The following OR5D18 variants were observed in gnomAD, a reference collection of about 807,000 sequenced individuals.
OR5D18 encodes the protein olfactory receptor family 5 subfamily D member 18, also known as olfactory receptor 5D18.
For missense variants in OR5D18, 394 were observed against 367.3 expected, an observed-to-expected ratio of 1.07 and a Z score of -0.59; for synonymous variants, 158 against 152.5, an observed-to-expected ratio of 1.04 and a Z score of -0.27.
In OR5D18 at chr11:55,820,482, A is replaced by G. The variant is rs1332660505; in HGVS notation, c.853A>G (p.Met285Val). The G allele has an allele frequency of 6.2e-7, 1 of 1,613,852 alleles. No homozygotes were observed. The highest frequency in any genetic ancestry group is 2.2e-5 in the East Asian group (1 of 44,864). Residue 285 changes from methionine (M) to valine (V), a missense_variant, in exon 1 of 1, where the codon ATG becomes GTG. Coordinates refer to ENST00000333976, the MANE Select transcript of OR5D18 (RefSeq NM_001001952.1). ...ASVFYTVVIP[M>V]LNPLIYSLRN... ...TGTGTTTTACACCGTGGTGATCCCC[A>G]TGTTGAATCCCCTGATCTACAGTCT... is the stretch of plus-strand genomic sequence containing the variant.
Position 55,820,532 on chromosome 11 carries a change from A to G in OR5D18, c.903A>G (p.Thr301=). ...YSLRNKDVKD[T]VTEILDTKVF... ...TGAGAAATAAAGATGTCAAGGATAC[A>G]GTCACCGAGATACTGGACACCAAAG... Residue 301 remains threonine (T), a synonymous_variant, in exon 1 of 1, where the codon ACA becomes ACG. Coordinates refer to ENST00000333976, the MANE Select transcript of OR5D18 (RefSeq NM_001001952.1). 6.2e-7 allele frequency: 1 copy of G among 1,611,834 alleles called. No individual in the cohort carries two copies. Among genetic ancestry groups the G allele is most frequent in the East Asian group, 2.2e-5 (1 of 44,876 alleles).
Position 55,820,511 on chromosome 11 carries a change from A to T in OR5D18, c.882A>T (p.Arg294Ser), listed in dbSNP as rs1483671153. The change falls in exon 1 of 1, where the codon AGA becomes AGT. Residue 294 changes from arginine (R) to serine (S), a missense_variant. By Grantham distance (110) the Arg-to-Ser change is moderately radical (BLOSUM62 -1). Transcript: ENST00000333976. ...TGAATCCCCTGATCTACAGTCTGAG[A>T]AATAAAGATGTCAAGGATACAGTCA... The part of the protein sequence containing the change: ...PMLNPLIYSL[R>S]NKDVKDTVTE... 3.1e-6 allele frequency: 5 copies of T among 1,613,584 alleles called. No homozygotes were observed. Among genetic ancestry groups the T allele is most frequent in the Non-Finnish European group, 4.2e-6 (5 of 1,179,990 alleles).
chr11:55,820,336 G>A lies in OR5D18; in HGVS notation c.707G>A (p.Arg236His), dbSNP rs199726652. ...AAGATGCGTTCAGTCAGTGGGCGCCGCAAAGCCTTCTCCACCTGTGCCTCC... is the reference window on the plus strand; with the variant it reads ...AAGATGCGTTCAGTCAGTGGGCGCCACAAAGCCTTCTCCACCTGTGCCTCC... ...ILKMRSVSGR[R>H]KAFSTCASHL... Residue 236 changes from arginine (R) to histidine (H), a missense_variant, in exon 1 of 1, where the codon CGC (arginine) becomes CAC (histidine). By Grantham distance (29) the Arg-to-His change is conservative. Transcript: ENST00000333976. 1.1e-4 allele frequency: 180 copies of A among 1,613,698 alleles called. No individual in the cohort carries two copies. The East Asian group carries it at 2.7e-3, about 24-fold the overall frequency.
At position 55,819,776 on chromosome 11, in the gene OR5D18, C is replaced by A. The variant is rs779733558; in HGVS notation, c.147C>A (p.Ile49=). Residue 49 remains isoleucine (I), a synonymous_variant, in exon 1 of 1, where the codon ATC becomes ATA. Transcript: ENST00000333976. ...TAGGGAATATTGGGTTGATTGTGAT[C>A]ATCAAAATCAACCCCAAACTGCATA... The part of the protein sequence containing the change: ...TVLGNIGLIV[I]IKINPKLHTP... The A allele has an allele frequency of 6.2e-6, 10 of 1,613,254 alleles. No homozygotes were observed. The highest frequency in any genetic ancestry group is 5.9e-6 in the Non-Finnish European group (7 of 1,179,498).
At position 55,820,332 on chromosome 11, in the gene OR5D18, C is replaced by A. The variant is rs149397041; in HGVS notation, c.703C>A (p.Arg235Ser). Residue 235 changes from arginine to serine, a missense_variant, in exon 1 of 1, where the codon CGC becomes AGC. Coordinates refer to ENST00000333976, the MANE Select transcript of OR5D18 (RefSeq NM_001001952.1). ...CCTCAAGATGCGTTCAGTCAGTGGG[C>A]GCCGCAAAGCCTTCTCCACCTGTGC... Reference protein sequence around the residue: ...TILKMRSVSGRRKAFSTCASH... With the variant: ...TILKMRSVSGSRKAFSTCASH... 2 of 1,613,704 alleles carry A rather than the reference C, an allele frequency of 1.2e-6. No individual in the cohort carries two copies. The highest frequency in any genetic ancestry group is 1.7e-6 in the Non-Finnish European group (2 of 1,179,998).
rs752714242 is a variant in OR5D18, at chr11:55,820,160, C to T, written c.531C>T (p.His177=). The change falls in exon 1 of 1, where the codon CAC becomes CAT. Residue 177 remains histidine, a synonymous_variant. Transcript: ENST00000333976. ...LCFHGFNTIN[H]FFCEFSSLLS... ...TTCATGGTTTCAACACAATCAATCA[C>T]TTCTTCTGTGAGTTCTCCTCACTAC... The T allele has an allele frequency of 2.5e-6, 4 of 1,613,978 alleles. No homozygotes were observed. The highest frequency in any genetic ancestry group is 2.2e-5 in the East Asian group (1 of 44,860).
chr11:55,820,264 T>C lies in OR5D18; in HGVS notation c.635T>C (p.Leu212Pro), dbSNP rs1853816921. ...FLATFNEIST[L>P]LIVLTSYAFI... ...GCCACCTTTAATGAAATCAGCACAC[T>C]ACTCATCGTTCTCACATCTTATGCG... is the stretch of plus-strand genomic sequence containing the variant. Residue 212 changes from leucine to proline, a missense_variant, in exon 1 of 1, where the codon CTA becomes CCA. Coordinates refer to ENST00000333976, the MANE Select transcript of OR5D18 (RefSeq NM_001001952.1). 2 of 1,614,030 alleles carry C rather than the reference T, an allele frequency of 1.2e-6. No individual in the cohort carries two copies. The highest frequency in any genetic ancestry group is 1.7e-6 in the Non-Finnish European group (2 of 1,180,032).
At position 55,819,987 on chromosome 11, in the gene OR5D18, G is replaced by A. The variant is rs1302334260; in HGVS notation, c.358G>A (p.Ala120Thr). 6.2e-7 allele frequency: 1 copy of A among 1,613,692 alleles called. No individual in the cohort carries two copies. ...TGAATCCTTTTTATTAGCTGTGATGGCCTATGACCGCTTCGTGGCCATTTG... is the reference window on the plus strand; with the variant it reads ...TGAATCCTTTTTATTAGCTGTGATGACCTATGACCGCTTCGTGGCCATTTG... Reference protein sequence around the residue: ...VTESFLLAVMAYDRFVAICNP... With the variant: ...VTESFLLAVMTYDRFVAICNP... The change falls in exon 1 of 1, where the codon GCC (alanine) becomes ACC (threonine). Residue 120 changes from alanine to threonine, a missense_variant. Transcript: ENST00000333976.
At position 55,819,736 on chromosome 11, in the gene OR5D18, A is replaced by T; in HGVS notation, c.107A>T (p.Tyr36Phe). Residue 36 changes from tyrosine (Y) to phenylalanine (F), a missense_variant, in exon 1 of 1, where the codon TAC becomes TTC. Transcript: ENST00000333976. ...CTCTTCCTGGTTTTTCTGGCCATCT[A>T]CAATGTCACTGTGCTAGGGAATATT... ...VPLFLVFLAIYNVTVLGNIGL... is the reference protein window; with the variant it reads ...VPLFLVFLAIFNVTVLGNIGL... The T allele has an allele frequency of 2.5e-6, 4 of 1,613,714 alleles. No homozygotes were observed. The highest frequency in any genetic ancestry group is 3.4e-6 in the Non-Finnish European group (4 of 1,179,798).
chr11:55,820,314 A>T lies in OR5D18; in HGVS notation c.685A>T (p.Met229Leu), dbSNP rs776144874. ...YAFIVVTILK[M>L]RSVSGRRKAF... ...GTTCATTGTTGTAACCATCCTCAAG[A>T]TGCGTTCAGTCAGTGGGCGCCGCAA... The change falls in exon 1 of 1, where the codon ATG becomes TTG. Residue 229 changes from methionine to leucine, a missense_variant. Coordinates refer to ENST00000333976, the MANE Select transcript of OR5D18 (RefSeq NM_001001952.1). 2 of 1,613,874 alleles carry T rather than the reference A, an allele frequency of 1.2e-6. 1 individual carries two copies. The highest frequency in any genetic ancestry group is 2.2e-5 in the South Asian group (2 of 91,068).
In OR5D18 at chr11:55,820,387, A is replaced by T; in HGVS notation, c.758A>T (p.His253Leu). 6.2e-7 allele frequency: 1 copy of T among 1,613,948 alleles called. No homozygotes were observed. Among genetic ancestry groups the T allele is most frequent in the Non-Finnish European group, 8.5e-7 (1 of 1,180,014 alleles). ...ASHLTAITIF[H>L]GTILFLYCVP... is the part of the protein sequence containing the mutation. ...CACCTGACTGCCATCACCATCTTCC[A>T]TGGCACCATCCTCTTCCTTTACTGT... Residue 253 changes from histidine (H) to leucine (L), a missense_variant, in exon 1 of 1, where the codon CAT becomes CTT. Coordinates refer to ENST00000333976, the MANE Select transcript of OR5D18 (RefSeq NM_001001952.1).
Position 55,819,923 on chromosome 11 carries a change from C to A in OR5D18, c.294C>A (p.Cys98Ter), listed in dbSNP as rs147156620. The A allele has an allele frequency of 1.9e-6, 3 of 1,613,938 alleles. No individual in the cohort carries two copies. Among genetic ancestry groups the A allele is most frequent in the Non-Finnish European group, 2.5e-6 (3 of 1,179,982 alleles). The stretch of plus-strand genomic sequence containing the variant: ...ACAGAACCATTTCATTTTTAGGATG[C>A]GTAGTACAATTCTTTTTCTTCTGTA... ...VKDRTISFLGCVVQFFFFCTF... is the reference protein window; with the variant it reads ...VKDRTISFLG Residue 98 changes from cysteine (C) to a stop codon, truncating the protein, a stop_gained, in exon 1 of 1, where the codon TGC becomes TGA. Transcript: ENST00000333976. LOFTEE classifies it low-confidence loss of function (END_TRUNC).
In OR5D18 at chr11:55,819,753, G is replaced by A. The variant is rs757204525; in HGVS notation, c.124G>A (p.Gly42Arg). The stretch of plus-strand genomic sequence containing the variant: ...GGCCATCTACAATGTCACTGTGCTA[G>A]GGAATATTGGGTTGATTGTGATCAT... Reference protein sequence around the residue: ...FLAIYNVTVLGNIGLIVIIKI... With the variant: ...FLAIYNVTVLRNIGLIVIIKI... The change falls in exon 1 of 1, where the codon GGG becomes AGG. Residue 42 changes from glycine (G) to arginine (R), a missense_variant. Physicochemically the swap from Gly to Arg is moderately radical, Grantham distance 125. Coordinates refer to ENST00000333976, the MANE Select transcript of OR5D18 (RefSeq NM_001001952.1). 4 of 1,613,778 alleles carry A rather than the reference G, an allele frequency of 2.5e-6. No homozygotes were observed. The highest frequency in any genetic ancestry group is 1.1e-5 in the South Asian group (1 of 91,076).
At position 55,820,206 on chromosome 11, in the gene OR5D18, A is replaced by G. The variant is rs1457705737; in HGVS notation, c.577A>G (p.Thr193Ala). ...ACTACTCTCCCTTTCTTGCTCTGAT[A>G]CTTACATCAACCAGTGGCTGCTATT... ...SSLLSLSCSD[T>A]YINQWLLFFL... Residue 193 changes from threonine to alanine, a missense_variant, in exon 1 of 1, where the codon ACT (threonine) becomes GCT (alanine). Physicochemically the swap from Thr to Ala is moderately conservative, Grantham distance 58. Coordinates refer to ENST00000333976, the MANE Select transcript of OR5D18 (RefSeq NM_001001952.1). 1 of 1,613,910 alleles carries G rather than the reference A, an allele frequency of 6.2e-7. No individual in the cohort carries two copies. Among genetic ancestry groups the G allele is most frequent in the Non-Finnish European group, 8.5e-7 (1 of 1,179,970 alleles).
chr11:55,819,812 C>A lies in OR5D18; in HGVS notation c.183C>A (p.Tyr61Ter), dbSNP rs760930752. The A allele has an allele frequency of 1.2e-6, 2 of 1,613,936 alleles. No individual in the cohort carries two copies. Among genetic ancestry groups the A allele is most frequent in the Non-Finnish European group, 8.5e-7 (1 of 1,179,956 alleles). Residue 61 changes from tyrosine (Y) to a stop codon, truncating the protein, a stop_gained, in exon 1 of 1, where the codon TAC (tyrosine) becomes TAA (stop). Coordinates refer to ENST00000333976, the MANE Select transcript of OR5D18 (RefSeq NM_001001952.1). LOFTEE classifies it low-confidence loss of function (END_TRUNC). The stretch of plus-strand genomic sequence containing the variant: ...ACCCCAAACTGCATACCCCCATGTA[C>A]TTTTTCCTCAGCCAACTCTCCTTTG... Reference protein sequence around the residue: ...KINPKLHTPMYFFLSQLSFVD... With the variant: ...KINPKLHTPM
In OR5D18 at chr11:55,819,850, A is replaced by G. The variant is rs757894094; in HGVS notation, c.221A>G (p.Tyr74Cys). ...CAACTCTCCTTTGTGGATTTCTGCTATTCCTCCATCATTGCTCCCAAGATG... is the reference window on the plus strand; with the variant it reads ...CAACTCTCCTTTGTGGATTTCTGCTGTTCCTCCATCATTGCTCCCAAGATG... ...LSQLSFVDFC[Y>C]SSIIAPKMLV... is the part of the protein sequence containing the mutation. Residue 74 changes from tyrosine to cysteine, a missense_variant, in exon 1 of 1, where the codon TAT (tyrosine) becomes TGT (cysteine). Coordinates refer to ENST00000333976, the MANE Select transcript of OR5D18 (RefSeq NM_001001952.1). The G allele has an allele frequency of 4.3e-6, 7 of 1,613,956 alleles. No individual in the cohort carries two copies. In the Admixed American group the frequency reaches 6.7e-5, roughly 15 times the overall value.
Position 55,820,131 on chromosome 11 carries a change from T to C in OR5D18, c.502T>C (p.Cys168Arg), listed in dbSNP as rs144565360. 25 of 1,613,904 alleles carry C rather than the reference T, an allele frequency of 1.5e-5. No homozygotes were observed. In the East Asian group the frequency reaches 2.0e-4, roughly 13 times the overall value. ...ACTGACGTGCTCTGCTTTAAAGTTATGTTTTCATGGTTTCAACACAATCAA... is the reference window on the plus strand; with the variant it reads ...ACTGACGTGCTCTGCTTTAAAGTTACGTTTTCATGGTTTCAACACAATCAA... Reference protein sequence around the residue: ...LELTCSALKLCFHGFNTINHF... With the variant: ...LELTCSALKLRFHGFNTINHF... The change falls in exon 1 of 1, where the codon TGT becomes CGT. Residue 168 changes from cysteine to arginine, a missense_variant. By Grantham distance (180) the Cys-to-Arg change is radical. Transcript: ENST00000333976.
In OR5D18 at chr11:55,819,646, G is replaced by GA; in HGVS notation, c.20dup (p.Asn7LysfsTer106). ...ACAGAAGCGATGCTGCTGACTGATAGAAATACAAGTGGGACCACGTTCACC... is the reference window on the plus strand; with the variant it reads ...ACAGAAGCGATGCTGCTGACTGATAGAAAATACAAGTGGGACCACGTTCACC... On this transcript the variant is annotated frameshift_variant, in exon 1 of 1. Transcript: ENST00000333976. LOFTEE classifies it low-confidence loss of function (END_TRUNC). 6.3e-7 allele frequency: 1 copy of GA among 1,586,874 alleles called. No homozygotes were observed. Among genetic ancestry groups the GA allele is most frequent in the East Asian group, 2.2e-5 (1 of 44,564 alleles).
Position 55,820,072 on chromosome 11 carries a change from G to T in OR5D18, c.443G>T (p.Gly148Val). 6.2e-7 allele frequency: 1 copy of T among 1,613,944 alleles called. No homozygotes were observed. Among genetic ancestry groups the T allele is most frequent in the South Asian group, 1.1e-5 (1 of 91,070 alleles). The change falls in exon 1 of 1, where the codon GGA becomes GTA. Residue 148 changes from glycine (G) to valine (V), a missense_variant. Transcript: ENST00000333976. ...AAACTCTGCGTGCTGCTGGTTGTGG[G>T]ATCCTATGCCTGGGGAGTCTCATGT... ...SQKLCVLLVVGSYAWGVSCSL... is the reference protein window; with the variant it reads ...SQKLCVLLVVVSYAWGVSCSL...
Sources: gnomAD v4.1 joint callset for allele counts on GRCh38, gnomAD v4.1.1 for gene constraint, MANE v1.5 for transcripts, NCBI Gene and HGNC (gene_info 2026-07-23, HGNC 2026-07-21) for gene names.